MTA3: variants seen among roughly 807,000 people sequenced by gnomAD.
MTA3 encodes the protein metastasis-associated protein MTA3.
A neutral mutation model predicts 83.5 loss-of-function variants in MTA3; 34 were observed. The ratio of observed to expected loss-of-function variants is 0.41; its 90% CI spans 0.31 to 0.54. The LOEUF (loss-of-function observed/expected upper bound fraction) is 0.54. Among genes scored for constraint, MTA3 ranks in the 20% least tolerant of loss-of-function variants. The probability of loss-of-function intolerance (pLI) is 0.33; values close to 1 mark genes in which losing one functional copy is unlikely to be tolerated. For missense variants in MTA3, 761 were observed against 726.4 expected (o/e 1.05, Z -0.55); for synonymous variants, 303 against 252.7 (o/e 1.20, Z -1.89).
intron 14 of MTA3, among the ~76,000 whole-genome samples, chr2:42,715,377 A>T (rs1364216298): frequency 1.4e-5 from 2 of 147,748 alleles, no homozygotes; most frequent in Admixed American, 1.4e-4. Flanking sequence ...ATTTTTTCAC[A>T]GTTGAGACAT....
intron 3 of MTA3, among the ~76,000 whole-genome samples, chr2:42,584,541 G>T (rs1558460135): frequency 6.6e-6 from 1 of 151,516 alleles, no homozygotes; most frequent in South Asian, 2.1e-4. Context: ...GGAGACTTCA[G>T]TGTATTTTTT....
At chr2:42,721,835 G>A (rs527879133) in intron 15 of MTA3, among the ~76,000 whole-genome samples, 1 of 152,174 alleles carries the variant, frequency 6.6e-6, no homozygotes, top group Non-Finnish European at 1.5e-5. Context: ...TCTAGATGGA[G>A]CATAGACTGT....
In MTA3 at chr2:42,543,608, C is replaced by T. The variant is rs534779883; in HGVS notation, c.-140-26829C>T. 1.1e-4 allele frequency among the ~76,000 whole-genome samples: 16 copies of T among 151,922 alleles called. No individual in the cohort carries two copies. The South Asian group carries it at 3.3e-3, about 32-fold the overall frequency. ...TCAAGCAATCCTCCCACCTCATCCT[C>T]CCAAGGGACTGGGACTATACTCACT... On this transcript the variant is annotated intron_variant, in intron 2 of 17. Transcript: ENST00000405592.
chr2:42,540,985 A>G (rs977927665), intron 2 of MTA3, among the ~76,000 whole-genome samples: 4 of 152,016 alleles, frequency 2.6e-5, no homozygotes, highest in Admixed American at 1.3e-4. Context: ...TTTCGACTTC[A>G]TGATGGTACA....
intron 14 of MTA3, among the ~76,000 whole-genome samples, chr2:42,717,134 T>G (rs1251439066): frequency 2.0e-5 from 3 of 148,282 alleles, no homozygotes; most frequent in South Asian, 4.3e-4. Context: ...AGAGTTTTTT[T>G]TTTTTTTTTT....
At chr2:42,563,544 G>A (rs934965386) in intron 2 of MTA3, among the ~76,000 whole-genome samples, 6 of 151,762 alleles carry the variant, frequency 4.0e-5, no homozygotes, top group African/African-American at 1.2e-4. Context: ...TCAGCTCACT[G>A]CAAGCTCCAC....
intron 4 of MTA3, among the ~76,000 whole-genome samples, chr2:42,621,579 T>C (rs2104193570): frequency 6.6e-6 from 1 of 152,362 alleles, no homozygotes; most frequent in East Asian, 1.9e-4. Flanking sequence ...TTTCCCCACA[T>C]TTCCCCCTTT....
chr2:42,701,630 T>G (rs1665567051), intron 11 of MTA3, among the ~76,000 whole-genome samples: 1 of 151,992 alleles, frequency 6.6e-6, no homozygotes, highest in African/African-American at 2.4e-5. Flanking sequence ...AAAACCAATT[T>G]GTTGGCTGGG....
At chr2:42,647,302 C>T (rs1688303774) in intron 6 of MTA3, among the ~76,000 whole-genome samples, 1 of 151,924 alleles carries the variant, frequency 6.6e-6, no homozygotes, top group Admixed American at 6.6e-5. Context: ...TGGCTCACTG[C>T]AGCTTCCGCC....
At chr2:42,733,328 C>T (rs1018360476) in intron 16 of MTA3, among the ~76,000 whole-genome samples, 1 of 152,168 alleles carries the variant, frequency 6.6e-6, no homozygotes, top group Non-Finnish European at 1.5e-5. Flanking sequence ...ATAAACTCAT[C>T]AGATCTTGTG....
chr2:42,717,911 A>T (rs995013898), intron 14 of MTA3, among the ~76,000 whole-genome samples: 1 of 152,170 alleles, frequency 6.6e-6, no homozygotes, highest in East Asian at 1.9e-4. Flanking sequence ...TCTTACGTTA[A>T]GACTGATTCC....
chr2:42,754,895 C>T lies in MTA3; in HGVS notation c.*1496C>T, dbSNP rs1363492104. On this transcript the variant is annotated 3_prime_UTR_variant, in exon 17 of 17. Transcript: ENST00000405094. ...CTGTGTGAGGTGGAGGGCGGTTTTG[C>T]AGACATCTCAGCTTCTTTTCTGAGG... 4.1e-6 allele frequency: 4 copies of T among 985,460 alleles called. No individual in the cohort carries two copies. The highest frequency in any genetic ancestry group is 1.2e-4 in the Admixed American group (2 of 16,256). 61.0% of individuals were successfully genotyped at this position (985,460 alleles called of 1,614,324 possible). A position where few individuals can be genotyped will look rare whatever the true frequency, so the allele number is the denominator to read the frequency against.
chr2:42,697,271 A>G (rs1693473434), intron 10 of MTA3, among the ~76,000 whole-genome samples: 2 of 152,178 alleles, frequency 1.3e-5, no homozygotes, highest in South Asian at 2.1e-4. Context: ...TTTAATGCAT[A>G]TCTCCCAACA....
chr2:42,701,922 AT>A (rs1196009505), intron 11 of MTA3, among the ~76,000 whole-genome samples: 1 of 149,352 alleles, frequency 6.7e-6, no homozygotes, highest in Non-Finnish European at 1.5e-5. Context: ...CTCAAAAAAA[AT>A]AAATAGGCTG....
intron 4 of MTA3, among the ~76,000 whole-genome samples, chr2:42,620,006 T>A (rs114899291): frequency 6.6e-6 from 1 of 152,200 alleles, no homozygotes; most frequent in Non-Finnish European, 1.5e-5. Flanking sequence ...TTCTTTATAA[T>A]TGAGGTGAAA....
chr2:42,631,845 A>G (rs1483779084), intron 4 of MTA3, among the ~76,000 whole-genome samples: 1 of 150,972 alleles, frequency 6.6e-6, no homozygotes, highest in Non-Finnish European at 1.5e-5. Context: ...GCTCACCACC[A>G]TGCCTGCCTA....
Position 42,756,113 on chromosome 2 carries a change from C to A in MTA3, c.*2714C>A. ...AGAGGCAAAACAGGGGAGTGAGGGG[C>A]AACCCAGAGGTGGGGAACAACAACA... On this transcript the variant is annotated 3_prime_UTR_variant, in exon 17 of 17. Transcript: ENST00000405094. 1 of 755,252 alleles carries A rather than the reference C, an allele frequency of 1.3e-6. No individual in the cohort carries two copies. Among genetic ancestry groups the A allele is most frequent in the Non-Finnish European group, 1.6e-6 (1 of 619,496 alleles). 46.8% of individuals were successfully genotyped at this position (755,252 alleles called of 1,614,324 possible).
At chr2:42,673,789 G>C (rs1329527336) in intron 8 of MTA3, among the ~76,000 whole-genome samples, 1 of 152,204 alleles carries the variant, frequency 6.6e-6, no homozygotes, top group Non-Finnish European at 1.5e-5. Flanking sequence ...ATTGGATGCA[G>C]GTTGCTCCAG....
Position 42,755,553 on chromosome 2 carries a change from A to G in MTA3, c.*2154A>G. 1.0e-6 allele frequency: 1 copy of G among 985,244 alleles called. No individual in the cohort carries two copies. Among genetic ancestry groups the G allele is most frequent in the Non-Finnish European group, 1.2e-6 (1 of 829,786 alleles). The allele number at this position is 985,244 out of a possible 1,614,324, so 61.0% of individuals were successfully genotyped here. A position where few individuals can be genotyped will look rare whatever the true frequency, so the allele number is the denominator to read the frequency against. On this transcript the variant is annotated 3_prime_UTR_variant, in exon 17 of 17. Transcript: ENST00000405094. ...CGTGGTTCTGTAGTCCAGTCATCCT[A>G]GGAGGGTGATGTTGACTGAGACTTC...
Sources: gnomAD v4.1 joint callset for allele counts (sites outside exome capture counted in the v4.1 genomes callset) on GRCh38, gnomAD v4.1.1 for gene constraint, MANE v1.5 for transcripts, NCBI Gene and HGNC (gene_info 2026-07-23, HGNC 2026-07-21) for gene names.